The following ADARB2 variants were observed in gnomAD, a reference collection of about 807,000 sequenced individuals.
The protein encoded by ADARB2 is adenosine deaminase RNA specific B2 (inactive), also known as inactive double-stranded RNA-specific editase B2.
ADARB2 carries 25 observed loss-of-function variants against 62.2 expected under a neutral mutation model. The observed-to-expected ratio is 0.40, with a 90% CI of 0.29 to 0.56. The LOEUF (loss-of-function observed/expected upper bound fraction) is 0.56, where lower values mean the gene tolerates loss of function less well. Ranked by LOEUF, ADARB2 falls within the 20% of genes least tolerant of loss-of-function variation. The pLI, the probability that ADARB2 is intolerant of heterozygous loss-of-function variation, is 0.43. For missense variants in ADARB2, 1,071 were observed against 1,077.4 expected, an observed-to-expected ratio of 0.99 and a Z score of 0.08; for synonymous variants, 572 against 500.8, an observed-to-expected ratio of 1.14 and a Z score of -1.90.
intron 3 of ADARB2, among the ~76,000 whole-genome samples, chr10:1,345,964 G>A (rs1048432785): frequency 9.2e-5 from 14 of 152,154 alleles, no homozygotes; most frequent in Admixed American, 6.5e-5. Context: ...CAAATGAACC[G>A]TGGTTAAGGC....
rs764176219 is a variant in ADARB2, at chr10:1,233,771, A to G, written c.1436T>C (p.Ile479Thr). 6.2e-7 allele frequency: 1 copy of G among 1,613,904 alleles called. No homozygotes were observed. The highest frequency in any genetic ancestry group is 8.5e-7 in the Non-Finnish European group (1 of 1,179,964). ...GGTGCTCACGTAGAGATGGAAGAGG[A>G]TGTTCTCTCGCAGCCGGTAGCCACC... ...KEGGYRLREN[I>T]LFHLYVSTSP... The change falls in exon 6 of 10, where the codon ATC becomes ACC. Residue 479 changes from isoleucine (I) to threonine (T), a missense_variant. Ile to Thr is a moderately conservative substitution (Grantham distance 89). Transcript: ENST00000381312.
chr10:1,198,085 G>A (rs945138900), intron 8 of ADARB2, among the ~76,000 whole-genome samples: 5 of 152,188 alleles, frequency 3.3e-5, no homozygotes, highest in African/African-American at 9.7e-5. Context: ...AGACATCCTC[G>A]AAATGGGCTT....
At position 1,638,093 on chromosome 10, in the gene ADARB2, T is replaced by C. The variant is rs550289357; in HGVS notation, c.100+98958A>G. The stretch of plus-strand genomic sequence containing the variant: ...ACTTGGCAATAATGAAAGTTCCTTT[T>C]CTAGCTCTCATTAGTTGCCTCTGTA... On this transcript the variant is annotated intron_variant, in intron 1 of 9. Transcript: ENST00000381312. 2.0e-5 allele frequency among the ~76,000 whole-genome samples: 3 copies of C among 152,314 alleles called. No individual in the cohort carries two copies. In the South Asian group the frequency reaches 6.2e-4, roughly 32 times the overall value.
chr10:1,672,862 G>C (rs1834409589), intron 1 of ADARB2, among the ~76,000 whole-genome samples: 1 of 151,208 alleles, frequency 6.6e-6, no homozygotes, highest in South Asian at 2.1e-4. Context: ...TTACAAATGA[G>C]ACAACTAAGA....
In ADARB2 at chr10:1,688,379, C is replaced by T. The variant is rs373839811; in HGVS notation, c.100+48672G>A. 1.1e-4 allele frequency among the ~76,000 whole-genome samples: 16 copies of T among 152,340 alleles called. No individual in the cohort carries two copies. In the East Asian group the frequency reaches 1.4e-3, roughly 13 times the overall value. The stretch of plus-strand genomic sequence containing the variant: ...TGACCTCCCCTGCTGTTCCCTGACC[C>T]GGTTCATGTGGGTCCCATTCCAAGC... On this transcript the variant is annotated intron_variant, in intron 1 of 9. Transcript: ENST00000381312.
At chr10:1,220,075 GTGA>G (rs1386709428) in intron 6 of ADARB2, among the ~76,000 whole-genome samples, 11 of 147,318 alleles carry the variant, frequency 7.5e-5, no homozygotes, top group East Asian at 2.1e-4. Context: ...GATGGTGATG[GTGA>G]TGATGGTGGT....
At chr10:1,475,853 G>A (rs1291642124) in intron 1 of ADARB2, among the ~76,000 whole-genome samples, 1 of 152,150 alleles carries the variant, frequency 6.6e-6, no homozygotes, top group African/African-American at 2.4e-5. Context: ...GGAGGGAAAT[G>A]CCCCCACAAC....
intron 3 of ADARB2, among the ~76,000 whole-genome samples, chr10:1,345,171 C>T (rs768645433): frequency 2.3e-4 from 35 of 152,064 alleles, no homozygotes; most frequent in Non-Finnish European, 4.4e-4. Flanking sequence ...TATGCCAGAC[C>T]CACCTGTCAC....
rs115105340 is a variant in ADARB2, at chr10:1,677,230, A to C, written c.100+59821T>G. On this transcript the variant is annotated intron_variant, in intron 1 of 9. Coordinates refer to ENST00000381312, the MANE Select transcript of ADARB2 (RefSeq NM_018702.4). ...TTTCTGTTTGTAGCTGTGTTTGTTT[A>C]GTGCCTTTGGAGGAATTCCTCACTA... 4.9e-3 allele frequency among the ~76,000 whole-genome samples: 740 copies of C among 152,354 alleles called. 6 individuals are homozygous for C. The highest frequency in any genetic ancestry group is 0.017 in the African/African-American group (706 of 41,584).
chr10:1,305,670 C>A (rs997157784), intron 3 of ADARB2, among the ~76,000 whole-genome samples: 5 of 151,496 alleles, frequency 3.3e-5, no homozygotes, highest in African/African-American at 9.7e-5. Context: ...ACTGGCAAAC[C>A]GAATCCAGCA....
chr10:1,287,717 C>G (rs1831426488), intron 3 of ADARB2, among the ~76,000 whole-genome samples: 1 of 152,228 alleles, frequency 6.6e-6, no homozygotes, highest in Non-Finnish European at 1.5e-5. Flanking sequence ...ATCAGTGAAA[C>G]TGCCTGCTCA....
intron 1 of ADARB2, among the ~76,000 whole-genome samples, chr10:1,465,483 C>T (rs1479203578): frequency 6.6e-6 from 1 of 152,160 alleles, no homozygotes; most frequent in Non-Finnish European, 1.5e-5. Flanking sequence ...GGGTCGGGGA[C>T]GTCACTGTGT....
chr10:1,244,561 C>T (rs1830965110), intron 4 of ADARB2, among the ~76,000 whole-genome samples: 1 of 152,192 alleles, frequency 6.6e-6, no homozygotes, highest in Non-Finnish European at 1.5e-5. Flanking sequence ...TTACGTGGCC[C>T]AAGAAGTGTT....
intron 3 of ADARB2, chr10:1,290,710 T>C (rs1293315555): frequency 6.6e-6 from 1 of 152,236 alleles, no homozygotes; most frequent in African/African-American, 2.4e-5. Context: ...TACCTGTTGA[T>C]TATGTAAAGT....
rs546083253 is a variant in ADARB2 at position 1,296,809 on chromosome 10, T to C, written c.1078-25740A>G. 2.6e-5 allele frequency among the ~76,000 whole-genome samples: 4 copies of C among 152,340 alleles called. No homozygotes were observed. The South Asian group carries it at 8.3e-4, about 32-fold the overall frequency. ...AGTTTTTAGCCACCCTCATTTCTAC[T>C]GCAAAATTCCTTTTTCACTCATCCC... On this transcript the variant is annotated intron_variant, in intron 3 of 9. Transcript: ENST00000381312.
intron 1 of ADARB2, among the ~76,000 whole-genome samples, chr10:1,471,766 C>G (rs2131917253): frequency 6.6e-6 from 1 of 152,278 alleles, no homozygotes; most frequent in South Asian, 2.1e-4. Context: ...ACTTTTGCAT[C>G]CTAATTCTGA....
chr10:1,708,054 G>A (rs1420550649), intron 1 of ADARB2, among the ~76,000 whole-genome samples: 1 of 152,226 alleles, frequency 6.6e-6, no homozygotes, highest in African/African-American at 2.4e-5. Flanking sequence ...GCTCACATGA[G>A]GGTGGAAATG....
At position 1,460,695 on chromosome 10, in the gene ADARB2, A is replaced by G. The variant is rs1199161463; in HGVS notation, c.101-81535T>C. Among the ~76,000 whole-genome samples, 221 of 119,156 alleles carry G rather than the reference A, an allele frequency of 1.9e-3. 39 individuals are homozygous for G. The highest frequency in any genetic ancestry group is 7.3e-3 in the African/African-American group (199 of 27,172). The allele number at this position is 119,156 out of a possible 152,430, so 78.2% of individuals were successfully genotyped here. On this transcript the variant is annotated intron_variant, in intron 1 of 9. Transcript: ENST00000381312. ...TGTGACCTGAGTTTACCTGTGTAAC[A>G]AACCTGCCTGTGACCTGAATTTACC...
At position 1,507,582 on chromosome 10, in the gene ADARB2, T is replaced by C. The variant is rs546975842; in HGVS notation, c.101-128422A>G. Among the ~76,000 whole-genome samples, 278 of 152,240 alleles carry C rather than the reference T, an allele frequency of 1.8e-3. 1 individual carries two copies. The highest frequency in any genetic ancestry group is 5.5e-3 in the African/African-American group (230 of 41,550). On this transcript the variant is annotated intron_variant, in intron 1 of 9. Transcript: ENST00000381312. ...CTGGAGATGTTTACCCTCGACCAGG[T>C]GGCAGCTTTGAATGGCAGGGACTGG...
Sources: allele counts gnomAD v4.1 joint callset (sites outside exome capture counted in the v4.1 genomes callset), GRCh38; gene constraint gnomAD v4.1.1; transcripts MANE v1.5; gene names NCBI Gene and HGNC (gene_info 2026-07-23, HGNC 2026-07-21).